Variants in GPC6 observed in about 807,000 individuals in gnomAD.
GPC6 encodes glypican 6, also known as glypican-6.
In GPC6, 14 loss-of-function variants were observed where a neutral mutation model predicts 55.2. That is an observed-to-expected ratio of 0.25 (90% CI 0.17 to 0.40). The LOEUF is 0.40. Among genes scored for constraint, GPC6 ranks in the 10% least tolerant of loss-of-function variants. GPC6 has a pLI of 1.00. For missense variants in GPC6, 641 were observed against 708.5 expected (o/e 0.90, Z 1.08); for synonymous variants, 278 against 259.6 (o/e 1.07, Z -0.68).
chr13:93,257,671 T>TGAGGAAACTGAGGCAGA (rs1877002029), intron 1 of GPC6, among the ~76,000 whole-genome samples: 1 of 152,134 alleles, frequency 6.6e-6, no homozygotes, highest in East Asian at 1.9e-4. Context: ...ATTTTACAGA[T>TGAGGAAACTGAGGCAGA]GAGGAAACTG....
At chr13:93,996,049 C>G in intron 3 of GPC6, among the ~76,000 whole-genome samples, 1 of 152,156 alleles carries the variant, frequency 6.6e-6, no homozygotes, top group Admixed American at 6.5e-5. Flanking sequence ...TAATTTTAAT[C>G]AATACATTGA....
At chr13:94,179,152 A>G (rs969710897) in intron 4 of GPC6, among the ~76,000 whole-genome samples, 2 of 152,216 alleles carry the variant, frequency 1.3e-5, no homozygotes, top group African/African-American at 4.8e-5. Context: ...CATCATCTCC[A>G]GTATCCTCAC....
chr13:94,358,916 G>A (rs1234899686), intron 6 of GPC6, among the ~76,000 whole-genome samples: 2 of 152,132 alleles, frequency 1.3e-5, no homozygotes, highest in African/African-American at 2.4e-5. Context: ...AATGTCAAGC[G>A]AAAGAGATTT....
At chr13:93,357,235 G>A (rs1880879109) in intron 1 of GPC6, among the ~76,000 whole-genome samples, 2 of 152,144 alleles carry the variant, frequency 1.3e-5, no homozygotes, top group Non-Finnish European at 1.5e-5. Context: ...TTTATTCGCT[G>A]CAGGTTATGT....
chr13:93,748,934 T>G (rs1594423938), intron 2 of GPC6, among the ~76,000 whole-genome samples: 1 of 152,054 alleles, frequency 6.6e-6, no homozygotes, highest in African/African-American at 2.4e-5. Flanking sequence ...CTACGCTGTC[T>G]TCTTAAAAGT....
chr13:94,157,723 C>G (rs1888004003), intron 4 of GPC6, among the ~76,000 whole-genome samples: 1 of 152,116 alleles, frequency 6.6e-6, no homozygotes, highest in Non-Finnish European at 1.5e-5. Flanking sequence ...TGGGAAGTTC[C>G]CCCTAACAGC....
At chr13:93,304,836 G>A (rs576315108) in intron 1 of GPC6, among the ~76,000 whole-genome samples, 1 of 152,204 alleles carries the variant, frequency 6.6e-6, no homozygotes, top group African/African-American at 2.4e-5. Context: ...TGTTGAGAGT[G>A]GGTGGGGGAT....
At chr13:93,561,294 A>G (rs1019896791) in intron 2 of GPC6, among the ~76,000 whole-genome samples, 1 of 151,730 alleles carries the variant, frequency 6.6e-6, no homozygotes, top group East Asian at 1.9e-4. Context: ...CTGGGAAAAT[A>G]TCAGATATTT....
At chr13:93,951,317 T>C (rs1401798208) in intron 3 of GPC6, among the ~76,000 whole-genome samples, 2 of 152,128 alleles carry the variant, frequency 1.3e-5, no homozygotes, top group Non-Finnish European at 2.9e-5. Context: ...TATTATGTGA[T>C]TTTAGGTCTG....
intron 1 of GPC6, among the ~76,000 whole-genome samples, chr13:93,495,603 C>G (rs1386566163): frequency 9.1e-6 from 1 of 109,530 alleles, no homozygotes; most frequent in Non-Finnish European, 1.9e-5. Flanking sequence ...AGGTGCTCTG[C>G]TTTTTAGAGT....
intron 1 of GPC6, among the ~76,000 whole-genome samples, chr13:93,530,097 T>C (rs1414249525): frequency 1.3e-5 from 2 of 152,206 alleles, no homozygotes; most frequent in Non-Finnish European, 2.9e-5. Flanking sequence ...AGCAGTGGTA[T>C]GAGCAGATGG....
At chr13:93,909,958 G>T (rs1876877126) in intron 3 of GPC6, among the ~76,000 whole-genome samples, 1 of 151,860 alleles carries the variant, frequency 6.6e-6, no homozygotes, top group Non-Finnish European at 1.5e-5. Context: ...CCACCCCAGG[G>T]CCAGGGTACA....
At chr13:93,857,793 A>C (rs142310189) in intron 3 of GPC6, among the ~76,000 whole-genome samples, 39 of 151,634 alleles carry the variant, frequency 2.6e-4, no homozygotes, top group African/African-American at 9.2e-4. Context: ...TTTTCCAAAT[A>C]GAGAAAATGT....
In GPC6 at chr13:93,688,038, T is replaced by A. The variant is rs750114005; in HGVS notation, c.320-142116T>A. Among the ~76,000 whole-genome samples, 60 of 152,098 alleles carry A rather than the reference T, an allele frequency of 3.9e-4. 1 individual carries two copies. The highest frequency in any genetic ancestry group is 6.3e-3 in the Middle Eastern group (2 of 316). On this transcript the variant is annotated intron_variant, in intron 2 of 8. Coordinates refer to ENST00000377047, the MANE Select transcript of GPC6 (RefSeq NM_005708.5). ...AAGCCATTCATAAAATTAACTCACT[T>A]TTTAAAGAAAGCTCTTGAGAATATA...
intron 4 of GPC6, among the ~76,000 whole-genome samples, chr13:94,262,439 A>G (rs564223417): frequency 1.4e-4 from 22 of 152,214 alleles, no homozygotes; most frequent in Non-Finnish European, 2.9e-5. Flanking sequence ...TTGGGAGGCC[A>G]AGGTAAGTGA....
At chr13:93,616,793 A>T (rs187889141) in intron 2 of GPC6, among the ~76,000 whole-genome samples, 58 of 152,266 alleles carry the variant, frequency 3.8e-4, no homozygotes, top group African/African-American at 1.3e-3. Flanking sequence ...TGAGGTATGT[A>T]GAGCTAGTTA....
intron 4 of GPC6, among the ~76,000 whole-genome samples, chr13:94,081,352 A>G (rs558956026): frequency 6.6e-6 from 1 of 152,308 alleles, no homozygotes; most frequent in Non-Finnish European, 1.5e-5. Context: ...AAGACATATT[A>G]TCTCTTCAGT....
chr13:94,135,253 CA>C (rs10535164), intron 4 of GPC6, among the ~76,000 whole-genome samples: 60,239 of 137,198 alleles, frequency 0.44, 12,159 homozygotes, highest in African/African-American at 0.52. Flanking sequence ...AGCTAGTATG[CA>C]AAAAAAAAAA....
intron 3 of GPC6, among the ~76,000 whole-genome samples, chr13:94,022,055 A>G (rs1882715844): frequency 6.6e-6 from 1 of 152,102 alleles, no homozygotes; most frequent in Non-Finnish European, 1.5e-5. Flanking sequence ...ACAAATTAAT[A>G]TACCCATCAT....
Sources: gnomAD v4.1 joint callset for allele counts (sites outside exome capture counted in the v4.1 genomes callset) on GRCh38, gnomAD v4.1.1 for gene constraint, MANE v1.5 for transcripts, NCBI Gene and HGNC (gene_info 2026-07-23, HGNC 2026-07-21) for gene names.